Variants in SESN3 observed in about 807,000 individuals in gnomAD.
The protein encoded by SESN3 is sestrin-3.
Under a neutral mutation model 55.3 loss-of-function variants are expected in SESN3, and 21 were observed. The observed-to-expected ratio is 0.38, with a 90% confidence interval of 0.27 to 0.55. The LOEUF (loss-of-function observed/expected upper bound fraction) is 0.55. Ranked by LOEUF, SESN3 falls within the 20% of genes least tolerant of loss-of-function variation. The pLI is 0.76. For synonymous variants in SESN3, 181 were observed against 203.1 expected (o/e 0.89, Z 0.93); for missense variants, 408 against 604.3 (o/e 0.68, Z 3.41).
intron 1 of SESN3, among the ~76,000 whole-genome samples, chr11:95,217,651 T>TAAA (rs66946901): frequency 1.5e-5 from 2 of 137,898 alleles, no homozygotes; most frequent in African/African-American, 2.7e-5. Context: ...AGACTCCGTT[T>TAAA]AAAAAAAAAA....
At chr11:95,179,176 A>C (rs897774054) in intron 6 of SESN3, among the ~76,000 whole-genome samples, 1 of 150,788 alleles carries the variant, frequency 6.6e-6, no homozygotes, top group African/African-American at 2.4e-5. Context: ...TTTTTTTGAG[A>C]CAGAGTCTTG....
chr11:95,232,269 G>C (rs959633910), upstream of SESN3: 1 of 152,294 alleles, frequency 6.6e-6, no homozygotes, highest in Non-Finnish European at 1.5e-5. Context: ...GGACAGACGG[G>C]TAGGGGAGCC....
chr11:95,192,699 G>A (rs523347), intron 2 of SESN3, among the ~76,000 whole-genome samples: 43,307 of 151,928 alleles, frequency 0.29, 7,087 homozygotes, highest in Non-Finnish European at 0.35. Flanking sequence ...CATAATGTTT[G>A]AAAAGTATAA....
chr11:95,220,258 G>A (rs897515079), intron 1 of SESN3, among the ~76,000 whole-genome samples: 1 of 152,076 alleles, frequency 6.6e-6, no homozygotes, highest in African/African-American at 2.4e-5. Flanking sequence ...TAGTTTTACT[G>A]AAAAAAATTT....
At position 95,230,560 on chromosome 11, in the gene SESN3, A is replaced by G. The variant is rs1302718780; in HGVS notation, c.78+223T>C. ...TAAAAGGAACAAGGGAAGAAAAAAT[A>G]TCCCAACCCCTCCAGACTTGGGTCT... On this transcript the variant is annotated intron_variant, in intron 1 of 9. Coordinates refer to ENST00000536441, the MANE Select transcript of SESN3 (RefSeq NM_144665.4). This position sits in a 1 kb window ranked among gnomAD's most constrained non-coding sequence, Gnocchi z 4.6. 1.9e-6 allele frequency: 1 copy of G among 531,462 alleles called. No individual in the cohort carries two copies. The highest frequency in any genetic ancestry group is 2.0e-5 in the African/African-American group (1 of 48,884). The allele number at this position is 531,462 out of a possible 1,614,324, so 32.9% of individuals were successfully genotyped here.
At position 95,200,547 on chromosome 11, in the gene SESN3, G is replaced by C. The variant is rs371376381; in HGVS notation, c.79-7025C>G. Among the ~76,000 whole-genome samples, 6 of 152,084 alleles carry C rather than the reference G, an allele frequency of 3.9e-5. No individual in the cohort carries two copies. The East Asian group carries it at 1.2e-3, about 29-fold the overall frequency. On this transcript the variant is annotated intron_variant, in intron 1 of 9. Coordinates refer to ENST00000536441, the MANE Select transcript of SESN3 (RefSeq NM_144665.4). ...CTTACTTGAAGCTAGAGTGGTTCAA[G>C]GAACCACTGAGGATCAGAAGCCCAG...
At chr11:95,186,620 A>G (rs1333563318) in intron 4 of SESN3, among the ~76,000 whole-genome samples, 1 of 151,962 alleles carries the variant, frequency 6.6e-6, no homozygotes, top group Non-Finnish European at 1.5e-5. Flanking sequence ...GAACATTCCC[A>G]ACACAAAGAA....
Position 95,230,641 on chromosome 11 carries a change from G to A in SESN3, c.78+142C>T. The A allele has an allele frequency of 4.9e-6, 3 of 613,674 alleles. No homozygotes were observed. The highest frequency in any genetic ancestry group is 5.6e-6 in the Non-Finnish European group (2 of 357,120). 38.0% of individuals were successfully genotyped at this position (613,674 alleles called of 1,614,324 possible). ...CCAAACCCTCCTGCCCTCAACCCAC[G>A]CCCCCTTTCTCAGTCCCTGCGGAGG... On this transcript the variant is annotated intron_variant, in intron 1 of 9. Coordinates refer to ENST00000536441, the MANE Select transcript of SESN3 (RefSeq NM_144665.4). The surrounding 1 kb of genome is among the most constrained non-coding windows in gnomAD (Gnocchi z 4.6).
rs148601669 is a variant in SESN3, at chr11:95,188,806, T to C, written c.525+973A>G. Among the ~76,000 whole-genome samples, 439 of 151,946 alleles carry C rather than the reference T, an allele frequency of 2.9e-3. 4 individuals are homozygous for C. Among genetic ancestry groups the C allele is most frequent in the African/African-American group, 9.8e-3 (405 of 41,514 alleles). On this transcript the variant is annotated intron_variant, in intron 4 of 9. Transcript: ENST00000536441. ...CTCCCCTAGACTCCAAGCAAATCTA[T>C]GGGCAGGGTCTTTATCTTTACCCAC...
At chr11:95,226,315 T>C (rs1860947862) in intron 1 of SESN3, among the ~76,000 whole-genome samples, 1 of 152,210 alleles carries the variant, frequency 6.6e-6, no homozygotes, top group South Asian at 2.1e-4. Flanking sequence ...TATCAACATT[T>C]TACAGAGAAA....
intron 2 of SESN3, 56 bp downstream of exon 2, chr11:95,193,401 T>C: frequency 2.0e-6 from 2 of 1,020,918 alleles, no homozygotes; most frequent in Non-Finnish European, 3.0e-6. Flanking sequence ...TATTCTTTGA[T>C]ACAGTTAAGT....
chr11:95,231,328 C>T (rs1393873228), upstream of SESN3: 5 of 388,262 alleles, frequency 1.3e-5, no homozygotes, highest in Non-Finnish European at 1.8e-5. Context: ...AACGAGAGCC[C>T]GACTGGGAGT....
Position 95,168,393 on chromosome 11 carries a change from A to G in SESN3, c.*4862T>C, listed in dbSNP as rs1274745534. On this transcript the variant is annotated 3_prime_UTR_variant, in exon 10 of 10. Coordinates refer to ENST00000536441, the MANE Select transcript of SESN3 (RefSeq NM_144665.4). The stretch of plus-strand genomic sequence containing the variant: ...ATATGCTAAATTCTGAACGATAGAA[A>G]TAGTTCAATTTCTGTATCATGTATA... 1.3e-5 allele frequency: 2 copies of G among 152,348 alleles called. No homozygotes were observed. Among genetic ancestry groups the G allele is most frequent in the African/African-American group, 4.8e-5 (2 of 41,594 alleles). 9.4% of individuals were successfully genotyped at this position (152,348 alleles called of 1,614,324 possible). A position where few individuals can be genotyped will look rare whatever the true frequency, so the allele number is the denominator to read the frequency against.
chr11:95,198,019 C>T (rs1860394022), intron 1 of SESN3, among the ~76,000 whole-genome samples: 1 of 152,158 alleles, frequency 6.6e-6, no homozygotes, highest in Non-Finnish European at 1.5e-5. Flanking sequence ...GTTATAAAAT[C>T]ACCATACATA....
chr11:95,228,071 T>C (rs868672196), intron 1 of SESN3, among the ~76,000 whole-genome samples: 1 of 152,206 alleles, frequency 6.6e-6, no homozygotes, highest in Non-Finnish European at 1.5e-5. Flanking sequence ...ATTAGGTACA[T>C]TCAATATTTT....
At position 95,171,507 on chromosome 11, in the gene SESN3, A is replaced by G. The variant is rs1859848460; in HGVS notation, c.*1748T>C. 1 of 152,148 alleles carries G rather than the reference A, an allele frequency of 6.6e-6. No homozygotes were observed. The highest frequency in any genetic ancestry group is 2.1e-4 in the South Asian group (1 of 4,824). 9.4% of individuals were successfully genotyped at this position (152,148 alleles called of 1,614,324 possible). A position where few individuals can be genotyped will look rare whatever the true frequency, so the allele number is the denominator to read the frequency against. ...AACAAAATCTAAAAGAAAGCAACCC[A>G]ATATATTGTACCAGAGGAGGATGAT... On this transcript the variant is annotated 3_prime_UTR_variant, in exon 10 of 10. Transcript: ENST00000536441.
intron 1 of SESN3, among the ~76,000 whole-genome samples, chr11:95,226,034 TAA>T (rs71036382): frequency 0.013 from 1,730 of 132,394 alleles, 39 homozygotes; most frequent in African/African-American, 0.045. Flanking sequence ...CAAAAATAAG[TAA>T]AAAAAAAAAA....
At chr11:95,223,533 G>A (rs1051367820) in intron 1 of SESN3, among the ~76,000 whole-genome samples, 1 of 152,100 alleles carries the variant, frequency 6.6e-6, no homozygotes, top group Non-Finnish European at 1.5e-5. Flanking sequence ...TCAGAAAAAA[G>A]ATGCTCATGA....
chr11:95,185,856 T>C (rs577285377), intron 4 of SESN3, among the ~76,000 whole-genome samples: 1 of 152,112 alleles, frequency 6.6e-6, no homozygotes, highest in Admixed American at 6.6e-5. Flanking sequence ...TTAAGGTATA[T>C]TGGAAACTTC....
Sources: gnomAD v4.1 joint callset for allele counts (sites outside exome capture counted in the v4.1 genomes callset) on GRCh38, gnomAD v4.1.1 for gene constraint, Gnocchi (gnomAD v3.1) non-coding constraint, MANE v1.5 for transcripts, NCBI Gene and HGNC (gene_info 2026-07-23, HGNC 2026-07-21) for gene names.